The following DCUN1D1 variants were observed in gnomAD, a reference collection of about 807,000 sequenced individuals.
DCUN1D1 encodes defective in cullin neddylation 1 domain containing 1.
Under a neutral mutation model 39.0 loss-of-function variants are expected in DCUN1D1, and 3 were observed. The observed-to-expected ratio is 0.08, with a 90% confidence interval of 0.04 to 0.20. DCUN1D1 has a LOEUF of 0.20. Ranked by LOEUF, DCUN1D1 falls within the 10% of genes least tolerant of loss-of-function variation. The probability of loss-of-function intolerance (pLI) is 1.00; values close to 1 mark genes in which losing one functional copy is unlikely to be tolerated. For synonymous variants in DCUN1D1, 82 were observed against 96.3 expected (o/e 0.85, Z 0.87); for missense variants, 158 against 302.4 (o/e 0.52, Z 3.54).
chr3:182,980,059 G>C, intron 1 of DCUN1D1: 2 of 681,938 alleles, frequency 2.9e-6, no homozygotes, highest in Non-Finnish European at 3.6e-6. Context: ...GCTTCGGGGC[G>C]GGGGGAGGCT....
chr3:182,957,742 G>C (rs56264908), intron 4 of DCUN1D1, among the ~76,000 whole-genome samples: 97,282 of 151,514 alleles, frequency 0.64, 31,853 homozygotes, highest in Non-Finnish European at 0.67. Flanking sequence ...AAATAACCAG[G>C]CTGGGTAATA....
chr3:182,980,655 G>A (rs1195099268), upstream of DCUN1D1: 406 of 924,130 alleles, frequency 4.4e-4, no homozygotes, highest in Non-Finnish European at 5.1e-4. Context: ...GGAGGCGGAG[G>A]GACGGAGGCA....
intron 1 of DCUN1D1, among the ~76,000 whole-genome samples, chr3:182,967,190 C>T (rs1317613286): frequency 1.3e-5 from 2 of 150,328 alleles, no homozygotes; most frequent in Non-Finnish European, 2.9e-5. Flanking sequence ...CATTTGAGAG[C>T]CCCAGATTCC....
chr3:182,957,159 G>GT (rs1312794496), intron 4 of DCUN1D1, among the ~76,000 whole-genome samples: 1 of 152,184 alleles, frequency 6.6e-6, no homozygotes, highest in Non-Finnish European at 1.5e-5. Context: ...GTAATAACAA[G>GT]TAAGGATATT....
chr3:182,950,661 A>C (rs943426637), intron 4 of DCUN1D1: 1 of 151,936 alleles, frequency 6.6e-6, no homozygotes, highest in Non-Finnish European at 1.5e-5. Flanking sequence ...TTTATACATA[A>C]TTTGTTTGAA....
intron 4 of DCUN1D1, among the ~76,000 whole-genome samples, chr3:182,950,304 C>T (rs779252161): frequency 5.3e-4 from 81 of 151,954 alleles, no homozygotes; most frequent in Non-Finnish European, 9.3e-4. Flanking sequence ...CGCACCACCA[C>T]GACCGGCTAA....
chr3:182,956,837 T>C (rs1459139822), intron 4 of DCUN1D1, among the ~76,000 whole-genome samples: 1 of 152,200 alleles, frequency 6.6e-6, no homozygotes, highest in Non-Finnish European at 1.5e-5. Flanking sequence ...ACATAATGAA[T>C]AGTCTCACAA....
rs1726100214 is a variant in DCUN1D1, at chr3:182,940,755, T to A, written c.*4339A>T. ...TGAAGTATTACAAGCTACATTATGA[T>A]TTCTGCACAGCATGATGGCAAAAAA... On this transcript the variant is annotated 3_prime_UTR_variant, in exon 7 of 7. Coordinates refer to ENST00000292782, the MANE Select transcript of DCUN1D1 (RefSeq NM_020640.4). 6.6e-6 allele frequency: 1 copy of A among 152,180 alleles called. No individual in the cohort carries two copies. The allele number at this position is 152,180 out of a possible 1,614,324, so 9.4% of individuals were successfully genotyped here.
intron 5 of DCUN1D1, 82 bp downstream of exon 5, chr3:182,947,468 T>C (rs1726472362): frequency 5.6e-6 from 6 of 1,078,838 alleles, no homozygotes; most frequent in Non-Finnish European, 8.3e-6. Flanking sequence ...TCTCATTCTA[T>C]ATCCAATACA....
At chr3:182,976,582 T>C (rs1311104445) in intron 1 of DCUN1D1, among the ~76,000 whole-genome samples, 2 of 152,106 alleles carry the variant, frequency 1.3e-5, no homozygotes, top group Non-Finnish European at 2.9e-5. Flanking sequence ...AATTATCTCA[T>C]TGGTGATACA....
chr3:182,961,446 C>G, intron 3 of DCUN1D1, 90 bp from the exon 4 acceptor site: 1 of 1,160,406 alleles, frequency 8.6e-7, no homozygotes, highest in South Asian at 1.4e-5. Context: ...CATTTATTTC[C>G]TAGAACTACT....
rs1385410940 is a variant in DCUN1D1 at position 182,943,119 on chromosome 3, A to C, written c.*1975T>G. The C allele has an allele frequency of 6.9e-6, 1 of 145,744 alleles. No homozygotes were observed. Among genetic ancestry groups the C allele is most frequent in the Non-Finnish European group, 1.5e-5 (1 of 66,572 alleles). The allele number at this position is 145,744 out of a possible 1,614,324, so 9.0% of individuals were successfully genotyped here. A position where few individuals can be genotyped will look rare whatever the true frequency, so the allele number is the denominator to read the frequency against. On this transcript the variant is annotated 3_prime_UTR_variant, in exon 7 of 7. Coordinates refer to ENST00000292782, the MANE Select transcript of DCUN1D1 (RefSeq NM_020640.4). The stretch of plus-strand genomic sequence containing the variant: ...TAAAGAAAACACTTTATATTGAAAA[A>C]AAAAAAAAAAAAAAAAAGCTAATGG...
upstream of DCUN1D1, among the ~76,000 whole-genome samples, chr3:182,982,341 C>T (rs550605511): frequency 5.3e-4 from 80 of 152,322 alleles, 2 homozygotes; most frequent in Middle Eastern, 6.8e-3. Flanking sequence ...CACATTCCCA[C>T]GTCAACTACT....
intron 4 of DCUN1D1, among the ~76,000 whole-genome samples, chr3:182,953,523 G>C (rs969017077): frequency 6.6e-6 from 1 of 152,124 alleles, no homozygotes; most frequent in African/African-American, 2.4e-5. Flanking sequence ...CCTTGATTCA[G>C]TTTAAAATGA....
intron 3 of DCUN1D1, among the ~76,000 whole-genome samples, chr3:182,962,229 C>G (rs1727434982): frequency 6.6e-6 from 1 of 152,210 alleles, no homozygotes; most frequent in South Asian, 2.1e-4. Context: ...CAGGATGGGC[C>G]TGGCTTTGGC....
intron 2 of DCUN1D1, among the ~76,000 whole-genome samples, chr3:182,964,937 C>T (rs1189140429): frequency 6.6e-6 from 1 of 152,136 alleles, no homozygotes; most frequent in Non-Finnish European, 1.5e-5. Context: ...CCACGCCCAG[C>T]CTTGCTAACA....
At position 182,947,738 on chromosome 3, in the gene DCUN1D1, TA is replaced by T. The variant is rs1331601803; in HGVS notation, c.521-107del. On this transcript the variant is annotated intron_variant, in intron 4 of 6. Transcript: ENST00000292782. ...GGTATGACCAAAGAAAGTCTAAAAA[TA>T]AAAAACTTGTATCCTGAATACTTAT... The T allele has an allele frequency of 4.4e-6, 3 of 675,202 alleles. No individual in the cohort carries two copies. The African/African-American group carries it at 5.7e-5, about 13-fold the overall frequency. 41.8% of individuals were successfully genotyped at this position (675,202 alleles called of 1,614,324 possible).
intron 1 of DCUN1D1, among the ~76,000 whole-genome samples, chr3:182,967,000 G>A (rs934620631): frequency 2.6e-5 from 4 of 151,992 alleles, no homozygotes; most frequent in Non-Finnish European, 4.4e-5. Context: ...CCAGCTACTC[G>A]GGAGGCTGAG....
At chr3:182,977,907 G>A (rs1728322079) in intron 1 of DCUN1D1, among the ~76,000 whole-genome samples, 1 of 151,828 alleles carries the variant, frequency 6.6e-6, no homozygotes, top group African/African-American at 2.4e-5. Context: ...GGGTATGTTG[G>A]CGGGCACCTA....
Sources: gnomAD v4.1 joint callset for allele counts (sites outside exome capture counted in the v4.1 genomes callset) on GRCh38, gnomAD v4.1.1 for gene constraint, MANE v1.5 for transcripts, NCBI Gene and HGNC (gene_info 2026-07-23, HGNC 2026-07-21) for gene names.